The following NME9 variants were observed in gnomAD, a reference collection of about 807,000 sequenced individuals.
The protein encoded by NME9 is thioredoxin domain-containing protein 6.
A neutral mutation model predicts 44.4 loss-of-function variants in NME9; 48 were observed. The ratio of observed to expected loss-of-function variants is 1.08; its 90% CI spans 0.86 to 1.37. The LOEUF is 1.37. NME9 is among the 40% of genes most tolerant of loss of function. The pLI is 0.00. For missense variants in NME9, 325 were observed against 405.2 expected, an observed-to-expected ratio of 0.80 and a Z score of 1.70; for synonymous variants, 139 against 147.1, an observed-to-expected ratio of 0.94 and a Z score of 0.40.
At chr3:138,267,048 C>T (rs1387438303) in intron 8 of NME9, 1 of 634,366 alleles carries the variant, frequency 1.6e-6, no homozygotes, top group African/African-American at 1.9e-5. Context: ...TACGAAGAAT[C>T]AGGTTGAAAG....
chr3:138,263,003 C>T (rs903219120), intron 8 of NME9, among the ~76,000 whole-genome samples: 1 of 152,092 alleles, frequency 6.6e-6, no homozygotes, highest in Non-Finnish European at 1.5e-5. Context: ...CAGTGCTTGG[C>T]ACATGGAAGA....
At chr3:138,323,338 C>T (rs1452159931) in intron 2 of NME9, among the ~76,000 whole-genome samples, 2 of 152,216 alleles carry the variant, frequency 1.3e-5, no homozygotes, top group Non-Finnish European at 2.9e-5. Context: ...ATCGCTTGAA[C>T]CCCAGAGACA....
intron 2 of NME9, among the ~76,000 whole-genome samples, chr3:138,322,388 T>A (rs889039699): frequency 5.0e-5 from 1 of 20,054 alleles, no homozygotes; most frequent in African/African-American, 2.0e-4. Flanking sequence ...GGGTAGGGGG[T>A]GGGAGGGACC....
chr3:138,301,479 ACAGGTGTGAGT>A lies in NME9; in HGVS notation c.*150_*160del, dbSNP rs2051841992. 4 of 1,388,746 alleles carry A rather than the reference ACAGGTGTGAGT, an allele frequency of 2.9e-6. No individual in the cohort carries two copies. In the East Asian group the frequency reaches 1.1e-4, roughly 37 times the overall value. The allele number at this position is 1,388,746 out of a possible 1,614,324, so 86.0% of individuals were successfully genotyped here. On this transcript the variant is annotated 3_prime_UTR_variant, in exon 11 of 11. Transcript: ENST00000333911. ...CTCGGCCTCCCAAAGTGCTGGGATTACAGGTGTGAGTCACTGCGCCCAGCCATATTATTTTC... is the reference window on the plus strand; with the variant it reads ...CTCGGCCTCCCAAAGTGCTGGGATTACACTGCGCCCAGCCATATTATTTTC...
chr3:138,274,615 G>T, intron 8 of NME9: 1 of 1,138,890 alleles, frequency 8.8e-7, no homozygotes, highest in Non-Finnish European at 1.3e-6. Flanking sequence ...AGAGTCTCCT[G>T]AAATATTCAA....
At chr3:138,297,986 C>T (rs2051631841), downstream of NME9, 1 of 152,194 alleles carries the variant, frequency 6.6e-6, no homozygotes, top group South Asian at 2.1e-4. Context: ...ATAAATTTTG[C>T]CTGTGGGTAT....
chr3:138,309,243 G>C (rs562049009), intron 6 of NME9, among the ~76,000 whole-genome samples: 1 of 149,722 alleles, frequency 6.7e-6, no homozygotes, highest in Non-Finnish European at 1.5e-5. Flanking sequence ...AGGTTGCAGT[G>C]AGCCAAGATT....
At chr3:138,263,944 C>A in intron 8 of NME9, 1 of 1,049,500 alleles carries the variant, frequency 9.5e-7, no homozygotes, top group Non-Finnish European at 1.5e-6. Context: ...CAGGTGAATT[C>A]ATAGAGTATA....
At chr3:138,306,562 A>C in intron 6 of NME9, 82 bp from the exon 7 acceptor site, 1 of 782,440 alleles carries the variant, frequency 1.3e-6, no homozygotes, top group Non-Finnish European at 2.2e-6. Context: ...CAACCTCTAC[A>C]CAAGGCTCCA....
At chr3:138,267,112 C>A (rs1560017069) in intron 8 of NME9, 1 of 1,005,700 alleles carries the variant, frequency 9.9e-7, no homozygotes, top group African/African-American at 1.6e-5. Flanking sequence ...ATCTCATCTT[C>A]ATCATTCCAA....
chr3:138,273,411 T>TA (rs2048969424), intron 8 of NME9, among the ~76,000 whole-genome samples: 1 of 152,210 alleles, frequency 6.6e-6, no homozygotes, highest in Non-Finnish European at 1.5e-5. Context: ...ACTTTTTTCT[T>TA]ACCTGGTATG....
intron 6 of NME9, among the ~76,000 whole-genome samples, chr3:138,310,873 C>T (rs1030132062): frequency 2.6e-5 from 4 of 152,016 alleles, no homozygotes; most frequent in Non-Finnish European, 5.9e-5. Context: ...AAGCAATAAC[C>T]AAACCCCCAA....
At chr3:138,295,207 A>G (rs1203475728) in intron 8 of NME9, among the ~76,000 whole-genome samples, 1 of 152,068 alleles carries the variant, frequency 6.6e-6, no homozygotes, top group African/African-American at 2.4e-5. Context: ...CCTACATTCT[A>G]TCTTTTCCTT....
At position 138,284,457 on chromosome 3, in the gene NME9, G is replaced by A. The variant is rs754067445; in HGVS notation, c.745+19050C>T. 62 of 1,613,650 alleles carry A rather than the reference G, an allele frequency of 3.8e-5. 1 individual carries two copies. In the Middle Eastern group the frequency reaches 5.0e-4, roughly 13 times the overall value. ...CACTGTGCATCTTAGCCAACATAGC[G>A]GATGGGACAACAGCAAAAGATCTTA... On this transcript the variant is annotated intron_variant, in intron 8 of 8. Coordinates refer to the NME9 transcript ENST00000317876.
chr3:138,308,927 A>C (rs1354299189), intron 6 of NME9, among the ~76,000 whole-genome samples: 1 of 141,580 alleles, frequency 7.1e-6, no homozygotes, highest in Non-Finnish European at 1.5e-5. Context: ...GTGGAATGAC[A>C]TTTCCAAAAT....
At chr3:138,271,599 C>G (rs2048792623) in intron 8 of NME9, among the ~76,000 whole-genome samples, 1 of 152,152 alleles carries the variant, frequency 6.6e-6, no homozygotes, top group South Asian at 2.1e-4. Context: ...GCTGTGTTTT[C>G]TCTCTGCAAA....
intron 8 of NME9, among the ~76,000 whole-genome samples, chr3:138,277,838 ATTTGT>A (rs1468829960): frequency 1.7e-4 from 26 of 152,356 alleles, no homozygotes; most frequent in African/African-American, 5.8e-4. Context: ...TAACAACTTT[ATTTGT>A]ATCATCAAAA....
intron 6 of NME9, among the ~76,000 whole-genome samples, chr3:138,307,044 C>T (rs2052325152): frequency 6.6e-6 from 1 of 152,196 alleles, no homozygotes; most frequent in Non-Finnish European, 1.5e-5. Context: ...ATGGCTCCTC[C>T]AGGCCCTGAG....
At chr3:138,324,989 AATCT>A (rs2053690271) in intron 1 of NME9, 59 bp from the exon 2 acceptor site, 2 of 1,356,114 alleles carry the variant, frequency 1.5e-6, no homozygotes, top group East Asian at 4.6e-5. Context: ...GAAACAATTC[AATCT>A]ATTTGCTCTA....
Sources: allele counts gnomAD v4.1 joint callset (sites outside exome capture counted in the v4.1 genomes callset), GRCh38; gene constraint gnomAD v4.1.1; transcripts MANE v1.5; gene names NCBI Gene and HGNC (gene_info 2026-07-23, HGNC 2026-07-21).